DPYD: variants seen among roughly 807,000 people sequenced by gnomAD.
DPYD encodes dihydropyrimidine dehydrogenase [NADP(+)].
A neutral mutation model predicts 116.2 loss-of-function variants in DPYD; 109 were observed. The ratio of observed to expected loss-of-function variants is 0.94; its 90% CI spans 0.80 to 1.10. The LOEUF (loss-of-function observed/expected upper bound fraction) is 1.10, where lower values mean the gene tolerates loss of function less well. DPYD is among the 50% of genes least tolerant of loss of function. DPYD has a pLI of 0.00. For missense variants in DPYD, 1,302 were observed against 1,254.5 expected (o/e 1.04, Z -0.57); for synonymous variants, 440 against 432.0 (o/e 1.02, Z -0.23).
intron 14 of DPYD, among the ~76,000 whole-genome samples, chr1:97,432,109 T>C (rs890654219): frequency 2.6e-5 from 4 of 152,180 alleles, no homozygotes; most frequent in Admixed American, 6.5e-5. Flanking sequence ...CATTCATCCA[T>C]TGATGGACAC....
intron 8 of DPYD, among the ~76,000 whole-genome samples, chr1:97,645,512 T>C (rs759323567): frequency 1.1e-4 from 16 of 152,136 alleles, no homozygotes; most frequent in Non-Finnish European, 2.2e-4. Flanking sequence ...TTTTCTACAC[T>C]GATTTCAAAT....
At chr1:97,540,935 T>C (rs1245771663) in intron 12 of DPYD, among the ~76,000 whole-genome samples, 1 of 152,172 alleles carries the variant, frequency 6.6e-6, no homozygotes, top group African/African-American at 2.4e-5. Flanking sequence ...TTTCACAATA[T>C]CACCATGTGT....
intron 18 of DPYD, 21 bp from the exon 19 acceptor site, chr1:97,235,015 C>T (rs373293488): frequency 1.9e-6 from 3 of 1,614,016 alleles, no homozygotes; most frequent in East Asian, 4.5e-5. Flanking sequence ...TCAGAATAAT[C>T]AATGGTTAGC....
At chr1:97,591,411 G>A (rs1017800845) in intron 10 of DPYD, among the ~76,000 whole-genome samples, 4 of 152,126 alleles carry the variant, frequency 2.6e-5, no homozygotes, top group Non-Finnish European at 5.9e-5. Context: ...GCTGACTGTT[G>A]TATCTAAGTT....
chr1:97,262,252 TG>T (rs1663936539), intron 18 of DPYD, among the ~76,000 whole-genome samples: 1 of 152,080 alleles, frequency 6.6e-6, no homozygotes, highest in African/African-American at 2.4e-5. Flanking sequence ...TTACGCACAC[TG>T]GGCATGACCA....
intron 20 of DPYD, among the ~76,000 whole-genome samples, chr1:97,107,013 C>T (rs949642909): frequency 1.1e-4 from 17 of 152,022 alleles, no homozygotes; most frequent in African/African-American, 1.4e-4. Flanking sequence ...CTCTAATACA[C>T]GTAGTATTCG....
intron 8 of DPYD, among the ~76,000 whole-genome samples, chr1:97,597,242 C>T (rs970001582): frequency 2.0e-5 from 3 of 152,166 alleles, no homozygotes; most frequent in Non-Finnish European, 4.4e-5. Context: ...TTTAGCCACA[C>T]CCCAGGTCAC....
intron 12 of DPYD, among the ~76,000 whole-genome samples, chr1:97,534,774 A>C (rs1649873237): frequency 6.6e-6 from 1 of 152,090 alleles, no homozygotes; most frequent in Non-Finnish European, 1.5e-5. Flanking sequence ...CATTTTTTTA[A>C]ATGGGAAAAT....
intron 2 of DPYD, among the ~76,000 whole-genome samples, chr1:97,850,945 G>A (rs1670538902): frequency 1.3e-5 from 2 of 151,794 alleles, no homozygotes; most frequent in South Asian, 2.1e-4. Flanking sequence ...CTACTTCACA[G>A]AAAAAAATGA....
At chr1:97,407,860 C>G (rs774954653) in intron 14 of DPYD, among the ~76,000 whole-genome samples, 7 of 152,110 alleles carry the variant, frequency 4.6e-5, no homozygotes, top group Non-Finnish European at 8.8e-5. Flanking sequence ...AATGCTGCAA[C>G]CAGGAGACAC....
intron 3 of DPYD, among the ~76,000 whole-genome samples, chr1:97,824,439 C>T (rs1045205230): frequency 6.6e-6 from 1 of 152,138 alleles, no homozygotes; most frequent in East Asian, 1.9e-4. Flanking sequence ...GAACAAACCA[C>T]AGCCACTAAC....
At chr1:97,121,097 T>C (rs1191303960) in intron 20 of DPYD, among the ~76,000 whole-genome samples, 1 of 152,158 alleles carries the variant, frequency 6.6e-6, no homozygotes, top group Admixed American at 6.6e-5. Flanking sequence ...TAATTTACTC[T>C]GGGAATGATG....
At chr1:97,647,653 TTATCTC>T in intron 8 of DPYD, among the ~76,000 whole-genome samples, 1 of 152,116 alleles carries the variant, frequency 6.6e-6, no homozygotes, top group Middle Eastern at 3.4e-3. Context: ...GCTAAAAAGA[TTATCTC>T]TAATTACTGA....
chr1:97,335,630 C>A (rs1403387068), intron 16 of DPYD, among the ~76,000 whole-genome samples: 1 of 152,120 alleles, frequency 6.6e-6, no homozygotes, highest in Admixed American at 6.6e-5. Flanking sequence ...CAAAGAGTTC[C>A]ATTTACCACA....
chr1:97,597,549 C>T (rs1210980384), intron 8 of DPYD, among the ~76,000 whole-genome samples: 1 of 152,160 alleles, frequency 6.6e-6, no homozygotes, highest in Non-Finnish European at 1.5e-5. Flanking sequence ...CAATCAAACA[C>T]TAAGGTAGGT....
chr1:97,610,704 G>T (rs1368831230), intron 8 of DPYD, among the ~76,000 whole-genome samples: 1 of 152,010 alleles, frequency 6.6e-6, no homozygotes, highest in Non-Finnish European at 1.5e-5. Flanking sequence ...GATGGAATCA[G>T]ATTTTTGTAT....
chr1:97,146,678 T>A lies in DPYD; in HGVS notation c.2622+46391A>T, dbSNP rs965904790. Among the ~76,000 whole-genome samples the A allele has an allele frequency of 2.6e-5, 4 of 152,168 alleles. No individual in the cohort carries two copies. The South Asian group carries it at 8.3e-4, about 31-fold the overall frequency. On this transcript the variant is annotated intron_variant, in intron 20 of 22. Transcript: ENST00000370192. The stretch of plus-strand genomic sequence containing the variant: ...TACGGAACCTTTTTTGTGTGTGTGA[T>A]CAGGAGGCATGATGTGAGACAGAGA...
At chr1:97,352,097 T>A (rs1670174744) in intron 16 of DPYD, among the ~76,000 whole-genome samples, 1 of 152,076 alleles carries the variant, frequency 6.6e-6, no homozygotes. Context: ...AATGATGCAG[T>A]GAGATTTTCA....
chr1:97,600,490 C>T (rs771203747), intron 8 of DPYD, among the ~76,000 whole-genome samples: 1 of 152,172 alleles, frequency 6.6e-6, no homozygotes, highest in Non-Finnish European at 1.5e-5. Flanking sequence ...TTAAGGCCGA[C>T]TGACCTATTT....
Sources: gnomAD v4.1 joint callset for allele counts (sites outside exome capture counted in the v4.1 genomes callset) on GRCh38, gnomAD v4.1.1 for gene constraint, MANE v1.5 for transcripts, NCBI Gene and HGNC (gene_info 2026-07-23, HGNC 2026-07-21) for gene names.